The following ANGPT1 variants were observed in gnomAD, a reference collection of about 807,000 sequenced individuals.
ANGPT1 encodes angiopoietin-1.
A neutral mutation model predicts 62.2 loss-of-function variants in ANGPT1; 17 were observed. The ratio of observed to expected loss-of-function variants is 0.27; its 90% CI spans 0.19 to 0.41. The LOEUF is 0.41. ANGPT1 is among the 10% of genes least tolerant of loss of function. The pLI is 1.00. For missense variants in ANGPT1, 478 were observed against 594.9 expected (o/e 0.80, Z 2.04); for synonymous variants, 199 against 198.9 (o/e 1.00, Z 0.00).
Position 107,411,506 on chromosome 8 carries a change from G to A in ANGPT1, c.298-64409C>T, listed in dbSNP as rs367755146. On this transcript the variant is annotated intron_variant, in intron 1 of 8. Transcript: ENST00000517746. Reference sequence around the variant, plus strand: ...GAGCAAAAATACACATAAATAGAACGAAGATAAAAGACTATGTAAAAAATT... The same window carrying A: ...GAGCAAAAATACACATAAATAGAACAAAGATAAAAGACTATGTAAAAAATT... Among the ~76,000 whole-genome samples, 48 of 152,164 alleles carry A rather than the reference G, an allele frequency of 3.2e-4. 1 individual carries two copies. In the East Asian group the frequency reaches 3.5e-3, roughly 11 times the overall value.
At chr8:107,297,660 A>C (rs1814448863) in intron 5 of ANGPT1, among the ~76,000 whole-genome samples, 2 of 150,056 alleles carry the variant, frequency 1.3e-5, no homozygotes, top group Admixed American at 6.7e-5. Context: ...TCAATAAATT[A>C]TCTTTATAAT....
intron 1 of ANGPT1, among the ~76,000 whole-genome samples, chr8:107,392,036 G>T (rs1264081245): frequency 6.6e-6 from 1 of 152,134 alleles, no homozygotes; most frequent in African/African-American, 2.4e-5. Context: ...ATCATTCAAA[G>T]TTGTATTTTT....
chr8:107,382,643 G>A (rs1022008152), intron 1 of ANGPT1, among the ~76,000 whole-genome samples: 6 of 151,078 alleles, frequency 4.0e-5, no homozygotes, highest in East Asian at 3.9e-4. Context: ...ACAGAGCTGG[G>A]AAAAAAAAAT....
At chr8:107,383,866 C>G (rs940562653) in intron 1 of ANGPT1, among the ~76,000 whole-genome samples, 1 of 152,216 alleles carries the variant, frequency 6.6e-6, no homozygotes, top group South Asian at 2.1e-4. Context: ...GATTTTGGAG[C>G]CCACAGAGAT....
At chr8:107,304,898 T>C (rs1011941959) in intron 4 of ANGPT1, among the ~76,000 whole-genome samples, 1 of 151,770 alleles carries the variant, frequency 6.6e-6, no homozygotes, top group Non-Finnish European at 1.5e-5. Context: ...AATCAACTAA[T>C]TAAAGGGCTA....
At chr8:107,375,722 G>C (rs975956857) in intron 1 of ANGPT1, among the ~76,000 whole-genome samples, 4 of 152,114 alleles carry the variant, frequency 2.6e-5, no homozygotes, top group Non-Finnish European at 5.9e-5. Context: ...AGAATGGAAT[G>C]AAGCAGAGAG....
At chr8:107,478,734 C>T (rs982278463) in intron 1 of ANGPT1, among the ~76,000 whole-genome samples, 4 of 152,086 alleles carry the variant, frequency 2.6e-5, no homozygotes, top group Admixed American at 2.0e-4. Flanking sequence ...CCTACAAATG[C>T]ACAGTGATCT....
At chr8:107,398,485 A>G (rs1287863183) in intron 1 of ANGPT1, among the ~76,000 whole-genome samples, 1 of 137,434 alleles carries the variant, frequency 7.3e-6, no homozygotes, top group Admixed American at 7.8e-5. Context: ...ATAAATGTTA[A>G]TTTTTTTCTT....
intron 1 of ANGPT1, among the ~76,000 whole-genome samples, chr8:107,425,059 G>A (rs531265113): frequency 1.3e-5 from 2 of 152,092 alleles, no homozygotes; most frequent in African/African-American, 4.8e-5. Flanking sequence ...ATTTTTAGTA[G>A]AGACAGGGTT....
intron 1 of ANGPT1, among the ~76,000 whole-genome samples, chr8:107,487,985 C>T (rs149652153): frequency 3.9e-5 from 6 of 152,202 alleles, no homozygotes; most frequent in South Asian, 2.1e-4. Flanking sequence ...TCAAATACTA[C>T]ATTCTTAAGG....
intron 1 of ANGPT1, among the ~76,000 whole-genome samples, chr8:107,428,031 CA>C (rs1395363066): frequency 6.6e-6 from 1 of 152,200 alleles, no homozygotes; most frequent in Admixed American, 6.5e-5. Flanking sequence ...TTTTGAAAGG[CA>C]GCTTATCCAG....
In ANGPT1 at chr8:107,303,321, G is replaced by T; in HGVS notation, c.855C>A (p.Asp285Glu). 1 of 1,598,968 alleles carries T rather than the reference G, an allele frequency of 6.3e-7. No individual in the cohort carries two copies. The highest frequency in any genetic ancestry group is 8.5e-7 in the Non-Finnish European group (1 of 1,170,692). Residue 285 changes from aspartate to glutamate, a missense_variant, in exon 5 of 9, where the codon GAC (aspartate) becomes GAA (glutamate). Transcript: ENST00000517746. ...GKREEEKPFRDCADVYQAGFN... is the reference protein window; with the variant it reads ...GKREEEKPFRECADVYQAGFN... Reference sequence around the variant, plus strand: ...AACCAGCTTGATATACATCTGCACAGTCTCTAAATGGTTTCTCTTCCTCTC... The same window carrying T: ...AACCAGCTTGATATACATCTGCACATTCTCTAAATGGTTTCTCTTCCTCTC...
At chr8:107,268,169 C>A (rs1813657909) in intron 7 of ANGPT1, among the ~76,000 whole-genome samples, 1 of 151,990 alleles carries the variant, frequency 6.6e-6, no homozygotes, top group African/African-American at 2.4e-5. Context: ...AGAGAAAGGC[C>A]TCAATGTTCA....
intron 1 of ANGPT1, among the ~76,000 whole-genome samples, chr8:107,401,528 G>T (rs1277185258): frequency 6.6e-6 from 1 of 152,156 alleles, no homozygotes; most frequent in African/African-American, 2.4e-5. Context: ...ATACACTAAA[G>T]ATCTGAAGTG....
rs1193220980 is a variant in ANGPT1 at position 107,470,051 on chromosome 8, T to C, written c.297+27211A>G. ...TGTACAATCTGTAAAATGTTCCTTA[T>C]AACTGTTATAGAATAGAGGCATCAA... On this transcript the variant is annotated intron_variant, in intron 1 of 8. Transcript: ENST00000517746. 5.3e-5 allele frequency among the ~76,000 whole-genome samples: 8 copies of C among 152,166 alleles called. No homozygotes were observed. The East Asian group carries it at 1.5e-3, about 29-fold the overall frequency.
intron 1 of ANGPT1, among the ~76,000 whole-genome samples, chr8:107,400,105 G>A (rs946230887): frequency 1.3e-5 from 2 of 152,106 alleles, no homozygotes; most frequent in East Asian, 1.9e-4. Flanking sequence ...TTCTGAGGTA[G>A]GACAGTGATC....
At chr8:107,431,867 C>T (rs1221322868) in intron 1 of ANGPT1, among the ~76,000 whole-genome samples, 2 of 152,048 alleles carry the variant, frequency 1.3e-5, no homozygotes, top group Non-Finnish European at 2.9e-5. Context: ...AGCATATATC[C>T]CTCCAGAAAT....
intron 2 of ANGPT1, among the ~76,000 whole-genome samples, chr8:107,344,680 C>T (rs1417441765): frequency 1.3e-5 from 2 of 152,152 alleles, no homozygotes; most frequent in African/African-American, 2.4e-5. Context: ...ATTGGAAAGA[C>T]ATTGTCATGA....
At chr8:107,385,443 G>A (rs1027995710) in intron 1 of ANGPT1, among the ~76,000 whole-genome samples, 5 of 151,974 alleles carry the variant, frequency 3.3e-5, no homozygotes, top group Non-Finnish European at 7.4e-5. Context: ...GATGTTATTG[G>A]TATATACAAA....
Sources: allele counts gnomAD v4.1 joint callset (sites outside exome capture counted in the v4.1 genomes callset), GRCh38; gene constraint gnomAD v4.1.1; transcripts MANE v1.5; gene names NCBI Gene and HGNC (gene_info 2026-07-23, HGNC 2026-07-21).